RNF220: variants seen among roughly 807,000 people sequenced by gnomAD.
The protein encoded by RNF220 is E3 ubiquitin-protein ligase RNF220.
A neutral mutation model predicts 67.1 loss-of-function variants in RNF220; 7 were observed. The ratio of observed to expected loss-of-function variants is 0.10; its 90% CI spans 0.06 to 0.20. The LOEUF (loss-of-function observed/expected upper bound fraction) is 0.20. Ranked by LOEUF, RNF220 falls within the 10% of genes least tolerant of loss-of-function variation. The probability of loss-of-function intolerance (pLI) is 1.00; values close to 1 mark genes in which losing one functional copy is unlikely to be tolerated. For synonymous variants in RNF220, 270 were observed against 283.2 expected, an observed-to-expected ratio of 0.95 and a Z score of 0.47; for missense variants, 565 against 740.3, an observed-to-expected ratio of 0.76 and a Z score of 2.75.
chr1:44,474,743 T>A lies in RNF220; in HGVS notation c.625+62021T>A, dbSNP rs189660010. On this transcript the variant is annotated intron_variant, in intron 2 of 14. Transcript: ENST00000361799. ...AAAAACAAAAACAACAATACAAAAA[T>A]AAATATAAATATAAATATAAGAACT... Among the ~76,000 whole-genome samples, 13 of 151,908 alleles carry A rather than the reference T, an allele frequency of 8.6e-5. No individual in the cohort carries two copies. The East Asian group carries it at 2.5e-3, about 29-fold the overall frequency.
chr1:44,405,225 G>C (rs1308234679), upstream of RNF220: 3 of 354,738 alleles, frequency 8.5e-6, no homozygotes, highest in Non-Finnish European at 1.5e-5. Context: ...GCGTGTGTGT[G>C]TCTCCGAGTC....
At chr1:44,631,270 GA>G (rs1406536792) in intron 5 of RNF220, among the ~76,000 whole-genome samples, 1 of 152,226 alleles carries the variant, frequency 6.6e-6, no homozygotes, top group Non-Finnish European at 1.5e-5. Flanking sequence ...GTTAGACCTG[GA>G]AGGATGAGTA....
intron 2 of RNF220, among the ~76,000 whole-genome samples, chr1:44,448,598 A>T (rs951409974): frequency 2.6e-5 from 4 of 152,254 alleles, no homozygotes; most frequent in Admixed American, 6.5e-5. Flanking sequence ...TTAGATAGTA[A>T]CAGAAATGAA....
At chr1:44,592,731 A>G (rs1377395267) in intron 2 of RNF220, among the ~76,000 whole-genome samples, 1 of 152,050 alleles carries the variant, frequency 6.6e-6, no homozygotes, top group East Asian at 1.9e-4. Context: ...GGAAAAGAAG[A>G]CTCGGATGGG....
chr1:44,504,066 T>G (rs561255096), intron 2 of RNF220, among the ~76,000 whole-genome samples: 40 of 152,094 alleles, frequency 2.6e-4, no homozygotes, highest in Non-Finnish European at 5.7e-4. Flanking sequence ...GCCAGGATGG[T>G]CTCGATCTCC....
At position 44,539,949 on chromosome 1, in the gene RNF220, A is replaced by G. The variant is rs573947161; in HGVS notation, c.626-74216A>G. 3.3e-5 allele frequency among the ~76,000 whole-genome samples: 5 copies of G among 152,292 alleles called. No individual in the cohort carries two copies. The South Asian group carries it at 1.0e-3, about 32-fold the overall frequency. ...CCAAACTCTTCGGCGTGGTATGAATACTGTCTCTTACTAACCTGACCTCTG... is the reference window on the plus strand; with the variant it reads ...CCAAACTCTTCGGCGTGGTATGAATGCTGTCTCTTACTAACCTGACCTCTG... On this transcript the variant is annotated intron_variant, in intron 2 of 14. Transcript: ENST00000361799.
At chr1:44,550,154 G>T (rs186093475) in intron 2 of RNF220, among the ~76,000 whole-genome samples, 17 of 152,344 alleles carry the variant, frequency 1.1e-4, no homozygotes, top group Admixed American at 1.0e-3. Context: ...ATGAGCGTAG[G>T]CCTGAGCCCT....
intron 2 of RNF220, among the ~76,000 whole-genome samples, chr1:44,453,973 C>T (rs1461011839): frequency 1.3e-5 from 2 of 152,170 alleles, no homozygotes; most frequent in Non-Finnish European, 2.9e-5. Context: ...AGAGCAATGA[C>T]ATCATCACAT....
At position 44,513,852 on chromosome 1, in the gene RNF220, G is replaced by A. The variant is rs139913895; in HGVS notation, c.626-100313G>A. 6.1e-3 allele frequency among the ~76,000 whole-genome samples: 924 copies of A among 152,226 alleles called. 9 individuals carry two copies. The highest frequency in any genetic ancestry group is 0.021 in the African/African-American group (873 of 41,500). On this transcript the variant is annotated intron_variant, in intron 2 of 14. Transcript: ENST00000361799. The stretch of plus-strand genomic sequence containing the variant: ...TGCAGCTGTCTCCCCAGGTATATGG[G>A]CATCTTATGCCACATCGCCAATGTC...
intron 2 of RNF220, among the ~76,000 whole-genome samples, chr1:44,446,233 A>G (rs1306756704): frequency 6.6e-6 from 1 of 152,264 alleles, no homozygotes; most frequent in Non-Finnish European, 1.5e-5. Flanking sequence ...GTAAAATTTT[A>G]TAAGAACAAA....
intron 1 of RNF220, among the ~76,000 whole-genome samples, chr1:44,406,202 C>T (rs1469586314): frequency 6.6e-6 from 1 of 152,040 alleles, no homozygotes; most frequent in Non-Finnish European, 1.5e-5. Context: ...CTGACTTTTT[C>T]CTAGCGGGGG....
chr1:44,472,535 CT>C (rs1654906525), intron 2 of RNF220, among the ~76,000 whole-genome samples: 1 of 152,128 alleles, frequency 6.6e-6, no homozygotes, highest in Non-Finnish European at 1.5e-5. Flanking sequence ...TGTGTATCTT[CT>C]TTGAATGTAG....
intron 2 of RNF220, among the ~76,000 whole-genome samples, chr1:44,438,090 T>C (rs774865979): frequency 1.3e-5 from 2 of 152,184 alleles, no homozygotes; most frequent in Non-Finnish European, 2.9e-5. Context: ...GTCTTGTTTT[T>C]AGCTTAAATT....
At chr1:44,492,088 C>G (rs533698318) in intron 2 of RNF220, among the ~76,000 whole-genome samples, 31 of 152,208 alleles carry the variant, frequency 2.0e-4, no homozygotes, top group African/African-American at 6.5e-4. Context: ...AACAGAATGA[C>G]TCAATTTTAA....
chr1:44,584,963 T>G (rs1665590061), intron 2 of RNF220, among the ~76,000 whole-genome samples: 1 of 152,200 alleles, frequency 6.6e-6, no homozygotes, highest in South Asian at 2.1e-4. Context: ...CCTCCCAAAG[T>G]GCTGGGATTA....
At chr1:44,527,790 G>A (rs1162217044) in intron 2 of RNF220, among the ~76,000 whole-genome samples, 1 of 151,636 alleles carries the variant, frequency 6.6e-6, no homozygotes, top group Non-Finnish European at 1.5e-5. Flanking sequence ...GCCAGGCATG[G>A]TGGCAGGCAC....
Position 44,527,923 on chromosome 1 carries a change from CCCAAAA to C in RNF220, c.626-86241_626-86236del, listed in dbSNP as rs1178022880. On this transcript the variant is annotated intron_variant, in intron 2 of 14. Coordinates refer to ENST00000361799, the MANE Select transcript of RNF220 (RefSeq NM_018150.4). Reference sequence around the variant, plus strand: ...CCTGGGTGACAGAGCAAGACTCCATCCCAAAAAAAAAAAAAAAAAAAAAAAAAAGTT... The same window carrying C: ...CCTGGGTGACAGAGCAAGACTCCATCAAAAAAAAAAAAAAAAAAAAAAGTT... 9.5e-4 allele frequency among the ~76,000 whole-genome samples: 7 copies of C among 7,400 alleles called. No individual in the cohort carries two copies. In the East Asian group the frequency reaches 0.12, roughly 126 times the overall value. The allele number at this position is 7,400 out of a possible 152,430, so 4.9% of individuals were successfully genotyped here.
At chr1:44,609,548 T>G (rs1168006784) in intron 2 of RNF220, among the ~76,000 whole-genome samples, 1 of 152,174 alleles carries the variant, frequency 6.6e-6, no homozygotes, top group Admixed American at 6.5e-5. Context: ...CAGGCTTCGC[T>G]GTGGAAGATG....
intron 2 of RNF220, among the ~76,000 whole-genome samples, chr1:44,424,900 C>T (rs938675717): frequency 1.3e-5 from 2 of 152,272 alleles, no homozygotes; most frequent in Non-Finnish European, 2.9e-5. Flanking sequence ...TATCTTCTCA[C>T]TGCTGTTGCT....
Sources: gnomAD v4.1 joint callset for allele counts (sites outside exome capture counted in the v4.1 genomes callset) on GRCh38, gnomAD v4.1.1 for gene constraint, MANE v1.5 for transcripts, NCBI Gene and HGNC (gene_info 2026-07-23, HGNC 2026-07-21) for gene names.